Variants in IGBP1C observed in about 807,000 individuals in gnomAD.
IGBP1C encodes IGBP1 family member C, also known as immunoglobulin-binding protein 1 family member C.
At chr17:58,686,449 G>A in the IGBP1C span, among the ~76,000 whole-genome samples, 1 of 152,172 alleles carries the variant, frequency 6.6e-6, no homozygotes, top group Non-Finnish European at 1.5e-5. Context: ...AGGCTGAGTT[G>A]GAGGAGACTT....
the IGBP1C span, among the ~76,000 whole-genome samples, chr17:58,666,158 C>T: frequency 6.6e-6 from 1 of 151,800 alleles, no homozygotes; most frequent in Non-Finnish European, 1.5e-5. Context: ...GCCTTGCCAA[C>T]ATGGTAAGAC....
chr17:58,663,108 CAAA>C, the IGBP1C span, among the ~76,000 whole-genome samples: 8 of 76,850 alleles, frequency 1.0e-4, no homozygotes, highest in Admixed American at 1.5e-4. Context: ...GACTCCGTCT[CAAA>C]AAAAAAAAAA....
chr17:58,682,229 A>G, the IGBP1C span, among the ~76,000 whole-genome samples: 2 of 150,196 alleles, frequency 1.3e-5, no homozygotes, highest in African/African-American at 2.4e-5. Flanking sequence ...GATTAGAGGC[A>G]TGGAACCACC....
At chr17:58,671,384 T>C in the IGBP1C span, among the ~76,000 whole-genome samples, 17 of 152,292 alleles carry the variant, frequency 1.1e-4, no homozygotes, top group African/African-American at 4.1e-4. Context: ...TGTGAGATAG[T>C]GGTGAAGATT....
At chr17:58,661,522 G>A in the IGBP1C span, 2 of 778,538 alleles carry the variant, frequency 2.6e-6, no homozygotes, top group Non-Finnish European at 4.8e-6. Flanking sequence ...CTTCGACTTC[G>A]TCCAGAAGCT....
the IGBP1C span, among the ~76,000 whole-genome samples, chr17:58,681,355 G>C: frequency 6.6e-6 from 1 of 152,124 alleles, no homozygotes; most frequent in Admixed American, 6.6e-5. Flanking sequence ...AAAGAATATT[G>C]GGACAAGGAG....
the IGBP1C span, among the ~76,000 whole-genome samples, chr17:58,684,196 G>C: frequency 6.6e-6 from 1 of 150,782 alleles, no homozygotes; most frequent in Non-Finnish European, 1.5e-5. Context: ...GGTGACTCAC[G>C]TGAGCCTATA....
At chr17:58,674,866 C>T in the IGBP1C span, among the ~76,000 whole-genome samples, 1,433 of 149,588 alleles carry the variant, frequency 9.6e-3, 14 homozygotes, top group African/African-American at 0.034. Context: ...GCAGGTAGGC[C>T]GGGCACGGTG....
At chr17:58,672,129 A>C in the IGBP1C span, among the ~76,000 whole-genome samples, 1 of 152,162 alleles carries the variant, frequency 6.6e-6, no homozygotes, top group Non-Finnish European at 1.5e-5. Context: ...TGCTCAGTTC[A>C]CAATAGGTTT....
the IGBP1C span, among the ~76,000 whole-genome samples, chr17:58,683,796 G>A: frequency 6.6e-6 from 1 of 150,990 alleles, no homozygotes; most frequent in African/African-American, 2.4e-5. Context: ...GTCAGGTGGA[G>A]TGGTTCCCGC....
chr17:58,662,009 A>G, the IGBP1C span, among the ~76,000 whole-genome samples: 1 of 151,990 alleles, frequency 6.6e-6, no homozygotes, highest in Non-Finnish European at 1.5e-5. Context: ...AAGTATCTGC[A>G]GTTCCTGCCA....
At chr17:58,690,572 C>T in the IGBP1C span, among the ~76,000 whole-genome samples, 4 of 152,266 alleles carry the variant, frequency 2.6e-5, no homozygotes, top group East Asian at 3.9e-4. Context: ...TGTGGTAATA[C>T]CATGTTTTTT....
At chr17:58,686,409 G>A in the IGBP1C span, among the ~76,000 whole-genome samples, 1 of 152,148 alleles carries the variant, frequency 6.6e-6, no homozygotes, top group African/African-American at 2.4e-5. Flanking sequence ...AGAGGGCAAG[G>A]TTCTGGGAAT....
At chr17:58,670,421 G>A in the IGBP1C span, among the ~76,000 whole-genome samples, 1 of 150,190 alleles carries the variant, frequency 6.7e-6, no homozygotes, top group Non-Finnish European at 1.5e-5. Flanking sequence ...ACTTTGGGAA[G>A]ATTAAAAAAA....
At chr17:58,660,832 T>C in the IGBP1C span, 2 of 785,086 alleles carry the variant, frequency 2.5e-6, no homozygotes, top group South Asian at 2.7e-5. Flanking sequence ...CAGCGCCAAA[T>C]ACTTTGGCTT....
chr17:58,683,439 T>C, the IGBP1C span, among the ~76,000 whole-genome samples: 2 of 151,586 alleles, frequency 1.3e-5, no homozygotes, highest in Non-Finnish European at 2.9e-5. Context: ...ATAAAATCTT[T>C]ATAAACTGAA....
At chr17:58,661,407 T>A in the IGBP1C span, 1 of 856,048 alleles carries the variant, frequency 1.2e-6, no homozygotes. Flanking sequence ...TCATTTCGGC[T>A]GAACAAGTCA....
the IGBP1C span, among the ~76,000 whole-genome samples, chr17:58,663,903 G>A: frequency 6.6e-6 from 1 of 152,062 alleles, no homozygotes; most frequent in Non-Finnish European, 1.5e-5. Context: ...TTAGGCCAGG[G>A]GCAGTGGCTC....
chr17:58,679,423 A>G, the IGBP1C span: 1 of 144,928 alleles, frequency 6.9e-6, no homozygotes, highest in Non-Finnish European at 1.6e-5. Context: ...TGACCATTAG[A>G]AGGCATCAAT....
Sources: gnomAD v4.1 joint callset for allele counts (sites outside exome capture counted in the v4.1 genomes callset) on GRCh38, gnomAD v4.1.1 for gene constraint, MANE v1.5 for transcripts, NCBI Gene and HGNC (gene_info 2026-07-23, HGNC 2026-07-21) for gene names.